RGS6: variants seen among roughly 807,000 people sequenced by gnomAD.
RGS6 encodes the protein regulator of G protein signaling 6, also known as regulator of G-protein signaling 6.
In RGS6, 30 loss-of-function variants were observed where a neutral mutation model predicts 78.5. The ratio of observed to expected loss-of-function variants is 0.38; its 90% CI spans 0.29 to 0.52. The LOEUF is 0.52. Ranked by LOEUF, RGS6 falls within the 20% of genes least tolerant of loss-of-function variation. The pLI, the probability that RGS6 is intolerant of heterozygous loss-of-function variation, is 0.85. For synonymous variants in RGS6, 206 were observed against 206.0 expected (o/e 1.00, Z 0.00); for missense variants, 495 against 609.7 (o/e 0.81, Z 1.98).
At chr14:72,161,511 G>A (rs777745263) in intron 2 of RGS6, among the ~76,000 whole-genome samples, 2 of 152,144 alleles carry the variant, frequency 1.3e-5, no homozygotes, top group Admixed American at 6.5e-5. Flanking sequence ...CTGACCTCTC[G>A]TGGTACCATT....
At chr14:72,122,680 T>C (rs2096078830) in intron 2 of RGS6, among the ~76,000 whole-genome samples, 1 of 151,858 alleles carries the variant, frequency 6.6e-6, no homozygotes, top group Non-Finnish European at 1.5e-5. Flanking sequence ...TTATACGCTG[T>C]CATTTCACCT....
At chr14:72,091,104 C>T (rs1196039502) in intron 2 of RGS6, among the ~76,000 whole-genome samples, 4 of 146,992 alleles carry the variant, frequency 2.7e-5, no homozygotes, top group African/African-American at 1.0e-4. Flanking sequence ...CCTCCAGCTG[C>T]CTTCCTCCAG....
At chr14:72,068,441 C>T (rs2094261104) in intron 2 of RGS6, among the ~76,000 whole-genome samples, 1 of 150,576 alleles carries the variant, frequency 6.6e-6, no homozygotes, top group African/African-American at 2.4e-5. Context: ...GGCCGAATAT[C>T]AGTTCTTTTT....
chr14:72,268,627 C>T (rs1328688634), intron 2 of RGS6, among the ~76,000 whole-genome samples: 1 of 152,224 alleles, frequency 6.6e-6, no homozygotes, highest in Non-Finnish European at 1.5e-5. Flanking sequence ...TCACCAGTTA[C>T]TATAAGCTAC....
chr14:72,180,788 C>T (rs1304665554), intron 2 of RGS6, among the ~76,000 whole-genome samples: 1 of 152,082 alleles, frequency 6.6e-6, no homozygotes, highest in Non-Finnish European at 1.5e-5. Context: ...GGAGTGGGGT[C>T]CTGATATAAA....
intron 17 of RGS6, chr14:72,540,579 C>G (rs1199638888): frequency 6.5e-7 from 1 of 1,527,072 alleles, no homozygotes; most frequent in South Asian, 1.1e-5. Context: ...GTGTAGGCGG[C>G]TTTTGCTGTG....
intron 2 of RGS6, among the ~76,000 whole-genome samples, chr14:72,267,497 C>T (rs1054538646): frequency 2.0e-5 from 3 of 152,174 alleles, no homozygotes; most frequent in Admixed American, 6.5e-5. Flanking sequence ...TTGCTCTTTA[C>T]AGACAAGTAA....
At chr14:72,189,313 G>A (rs1384564044) in intron 2 of RGS6, among the ~76,000 whole-genome samples, 1 of 152,170 alleles carries the variant, frequency 6.6e-6, no homozygotes, top group Non-Finnish European at 1.5e-5. Context: ...GTTAGGCCTT[G>A]TCCTGGTTGG....
intron 4 of RGS6, among the ~76,000 whole-genome samples, chr14:72,455,453 A>G (rs1338704590): frequency 6.6e-6 from 1 of 152,168 alleles, no homozygotes; most frequent in Non-Finnish European, 1.5e-5. Flanking sequence ...CCCTGCTGGA[A>G]TCGGTGTGTC....
At chr14:72,001,356 C>G (rs1246352865) in intron 2 of RGS6, among the ~76,000 whole-genome samples, 1 of 152,010 alleles carries the variant, frequency 6.6e-6, no homozygotes, top group African/African-American at 2.4e-5. Flanking sequence ...AATTGCTATG[C>G]AATTCTGTGA....
downstream of RGS6, among the ~76,000 whole-genome samples, chr14:72,567,202 A>C (rs1278131790): frequency 6.6e-6 from 1 of 152,180 alleles, no homozygotes; most frequent in African/African-American, 2.4e-5. Flanking sequence ...CTAGAAGGGA[A>C]CCAACTCATC....
the RGS6 span, among the ~76,000 whole-genome samples, chr14:72,616,196 A>G: frequency 6.6e-6 from 1 of 152,188 alleles, no homozygotes; most frequent in South Asian, 2.1e-4. Context: ...CAGAGAGTTG[A>G]AGTCATTGGC....
chr14:72,289,182 G>A (rs2063131358), intron 2 of RGS6, among the ~76,000 whole-genome samples: 1 of 152,104 alleles, frequency 6.6e-6, no homozygotes, highest in African/African-American at 2.4e-5. Flanking sequence ...CCTCATCTTT[G>A]TATTTCCTTT....
At chr14:72,529,411 A>G (rs2097155335) in intron 15 of RGS6, among the ~76,000 whole-genome samples, 1 of 152,130 alleles carries the variant, frequency 6.6e-6, no homozygotes, top group Non-Finnish European at 1.5e-5. Context: ...CATGGGACTC[A>G]TGCTCCAGTA....
intron 2 of RGS6, among the ~76,000 whole-genome samples, chr14:72,239,609 C>G (rs2052214859): frequency 6.6e-6 from 1 of 152,140 alleles, no homozygotes; most frequent in Admixed American, 6.5e-5. Flanking sequence ...CTCTTGACAC[C>G]AGTAATCTGA....
At chr14:72,567,148 G>A (rs951236511), downstream of RGS6, among the ~76,000 whole-genome samples, 2 of 152,166 alleles carry the variant, frequency 1.3e-5, no homozygotes, top group African/African-American at 2.4e-5. Context: ...GCTCCTAAAG[G>A]TAGAAATGAT....
chr14:72,210,963 T>C (rs2043984802), intron 2 of RGS6, among the ~76,000 whole-genome samples: 1 of 152,204 alleles, frequency 6.6e-6, no homozygotes, highest in Non-Finnish European at 1.5e-5. Flanking sequence ...CAATAAAAAA[T>C]GGCCAATGTG....
At chr14:72,133,174 G>A (rs2096364715) in intron 2 of RGS6, among the ~76,000 whole-genome samples, 1 of 152,036 alleles carries the variant, frequency 6.6e-6, no homozygotes, top group Admixed American at 6.6e-5. Flanking sequence ...TTTTCAACCT[G>A]TACACTGGCT....
chr14:72,349,594 T>G (rs1191720694), intron 2 of RGS6, among the ~76,000 whole-genome samples: 1 of 152,210 alleles, frequency 6.6e-6, no homozygotes, highest in Admixed American at 6.5e-5. Context: ...TAGTCTTCTT[T>G]CTGTTAGTTG....
Sources: allele counts gnomAD v4.1 joint callset (sites outside exome capture counted in the v4.1 genomes callset), GRCh38; gene constraint gnomAD v4.1.1; transcripts MANE v1.5; gene names NCBI Gene and HGNC (gene_info 2026-07-23, HGNC 2026-07-21).